The following DIS3L2 variants were observed in gnomAD, a reference collection of about 807,000 sequenced individuals.
DIS3L2 encodes the protein DIS3-like exonuclease 2.
Under a neutral mutation model 97.5 loss-of-function variants are expected in DIS3L2, and 34 were observed. The ratio of observed to expected loss-of-function variants is 0.35; its 90% CI spans 0.27 to 0.46. The LOEUF (loss-of-function observed/expected upper bound fraction) is 0.46, where lower values mean the gene tolerates loss of function less well. Ranked by LOEUF, DIS3L2 falls within the 20% of genes least tolerant of loss-of-function variation. The pLI, the probability that DIS3L2 is intolerant of heterozygous loss-of-function variation, is 1.00. For missense variants in DIS3L2, 1,038 were observed against 1,146.0 expected, an observed-to-expected ratio of 0.91 and a Z score of 1.36; for synonymous variants, 435 against 445.2, an observed-to-expected ratio of 0.98 and a Z score of 0.29.
rs918998948 is a variant in DIS3L2 at position 232,118,698 on chromosome 2, C to T, written c.602-11921C>T. ...TAGCCATATAGCATCCATTGTAAAA[C>T]CTTCAGATTTGCCAATTTGGCATCA... is the stretch of plus-strand genomic sequence containing the variant. On this transcript the variant is annotated intron_variant, in intron 6 of 20. Transcript: ENST00000325385. 3.3e-5 allele frequency among the ~76,000 whole-genome samples: 5 copies of T among 152,310 alleles called. No homozygotes were observed. In the East Asian group the frequency reaches 7.7e-4, roughly 24 times the overall value.
chr2:232,097,745 T>C (rs1402459646), intron 6 of DIS3L2, among the ~76,000 whole-genome samples: 1 of 152,184 alleles, frequency 6.6e-6, no homozygotes, highest in Non-Finnish European at 1.5e-5. Flanking sequence ...CCTTCTCCCC[T>C]GAGGCCGAGC....
chr2:232,200,418 G>T (rs1357782520), intron 9 of DIS3L2, among the ~76,000 whole-genome samples: 3 of 152,136 alleles, frequency 2.0e-5, no homozygotes, highest in Non-Finnish European at 4.4e-5. Flanking sequence ...GGCTCCTTAG[G>T]GAAGTCGGTA....
At chr2:232,077,028 T>C (rs910337758) in intron 5 of DIS3L2, among the ~76,000 whole-genome samples, 4 of 152,214 alleles carry the variant, frequency 2.6e-5, no homozygotes, top group Non-Finnish European at 5.9e-5. Flanking sequence ...AGGGTGTCTC[T>C]TCTTCTCCTG....
intron 1 of DIS3L2, among the ~76,000 whole-genome samples, chr2:232,007,638 A>G (rs1694090222): frequency 6.6e-6 from 1 of 152,224 alleles, no homozygotes; most frequent in African/African-American, 2.4e-5. Context: ...AAGGACAGGT[A>G]TTAAGAAAAT....
intron 13 of DIS3L2, among the ~76,000 whole-genome samples, chr2:232,264,677 C>G (rs1411592579): frequency 3.3e-5 from 5 of 152,200 alleles, no homozygotes; most frequent in Non-Finnish European, 5.9e-5. Flanking sequence ...TTCCCTGAGC[C>G]TGTCAGCTGG....
chr2:232,079,147 G>A (rs1696306383), intron 5 of DIS3L2, among the ~76,000 whole-genome samples: 1 of 152,168 alleles, frequency 6.6e-6, no homozygotes, highest in Admixed American at 6.5e-5. Flanking sequence ...CTGTTAGCAT[G>A]TATTTCAGTG....
In DIS3L2 at chr2:232,088,272, C is replaced by T. The variant is rs186348764; in HGVS notation, c.601+551C>T. Among the ~76,000 whole-genome samples, 704 of 150,862 alleles carry T rather than the reference C, an allele frequency of 4.7e-3. 5 individuals carry two copies. Among genetic ancestry groups the T allele is most frequent in the Non-Finnish European group, 7.4e-3 (500 of 67,726 alleles). ...AAAAATTAGCCAGGCGTGGGCCGGG[C>T]GCGGTGGCTCACGCCTGTAATCCCA... On this transcript the variant is annotated intron_variant, in intron 6 of 20. Coordinates refer to ENST00000325385, the MANE Select transcript of DIS3L2 (RefSeq NM_152383.5).
At chr2:232,163,730 AAGTTC>A (rs1184408357) in intron 9 of DIS3L2, 98 bp downstream of exon 9, 12 of 1,388,016 alleles carry the variant, frequency 8.6e-6, no homozygotes, top group Non-Finnish European at 1.1e-5. Context: ...ACGAACATTC[AAGTTC>A]AGTTCAGTTG....
At chr2:232,270,882 C>CTCTCTT (rs1559185197) in intron 13 of DIS3L2, among the ~76,000 whole-genome samples, 2 of 106,238 alleles carry the variant, frequency 1.9e-5, no homozygotes, top group African/African-American at 3.0e-5. Flanking sequence ...CTCTCTCTCT[C>CTCTCTT]TCTCTCTCTC....
At position 232,329,966 on chromosome 2, in the gene DIS3L2, C is replaced by T. The variant is rs539154783; in HGVS notation, c.1893C>T (p.Pro631=). The T allele has an allele frequency of 1.4e-5, 23 of 1,612,464 alleles. No homozygotes were observed. The highest frequency in any genetic ancestry group is 6.7e-5 in the East Asian group (3 of 44,794). ...AATTCTGCGACCAGATGGGGCTGCC[C>T]GTGGACTTCAGCTCCGCAGGAGCCC... ...LVEFCDQMGL[P]VDFSSAGALN... is the part of the protein sequence containing the mutation. Residue 631 remains proline (P), a synonymous_variant, in exon 15 of 21, where the codon CCC becomes CCT. Transcript: ENST00000325385.
chr2:232,147,014 G>C (rs11680662), intron 8 of DIS3L2, among the ~76,000 whole-genome samples: 2,400 of 152,008 alleles, frequency 0.016, 21 homozygotes, highest in Non-Finnish European at 0.022. Flanking sequence ...AATTCTTTTT[G>C]TGAAATACAT....
chr2:232,036,655 A>T (rs2106247461), intron 5 of DIS3L2, among the ~76,000 whole-genome samples: 1 of 152,072 alleles, frequency 6.6e-6, no homozygotes, highest in Non-Finnish European at 1.5e-5. Flanking sequence ...ATCTTTGTGG[A>T]TTTATTTACC....
At chr2:232,296,746 T>C (rs1478607161) in intron 13 of DIS3L2, among the ~76,000 whole-genome samples, 1 of 152,204 alleles carries the variant, frequency 6.6e-6, no homozygotes, top group Non-Finnish European at 1.5e-5. Flanking sequence ...CCTTTATAAA[T>C]TACCCAGTCT....
chr2:232,325,369 G>A lies in DIS3L2; in HGVS notation c.1740-4444G>A, dbSNP rs1254752491. The stretch of plus-strand genomic sequence containing the variant: ...ACGTTTGTGCACTGTGGGAACCTCT[G>A]TCTCTACCAGTGTCACCCTTGCTGT... On this transcript the variant is annotated intron_variant, in intron 14 of 20. Transcript: ENST00000325385. This position sits in a 1 kb window ranked among gnomAD's most constrained non-coding sequence, Gnocchi z 4.6. Among the ~76,000 whole-genome samples, 2 of 152,206 alleles carry A rather than the reference G, an allele frequency of 1.3e-5. No homozygotes were observed. The highest frequency in any genetic ancestry group is 1.9e-4 in the East Asian group (1 of 5,190).
intron 1 of DIS3L2, among the ~76,000 whole-genome samples, chr2:231,969,871 A>G (rs1030079130): frequency 6.8e-6 from 1 of 147,706 alleles, no homozygotes; most frequent in African/African-American, 2.5e-5. Flanking sequence ...TTTCTAGTTT[A>G]CTGAGATTTT....
At chr2:232,147,581 G>A (rs1205900452) in intron 8 of DIS3L2, among the ~76,000 whole-genome samples, 1 of 152,110 alleles carries the variant, frequency 6.6e-6, no homozygotes, top group East Asian at 1.9e-4. Flanking sequence ...ATGAAATGTG[G>A]TTTTTAAGAG....
intron 6 of DIS3L2, among the ~76,000 whole-genome samples, chr2:232,114,717 A>T (rs1057380421): frequency 2.6e-5 from 4 of 152,240 alleles, no homozygotes; most frequent in Non-Finnish European, 4.4e-5. Flanking sequence ...CAGAAAACTC[A>T]GGCATAGGGG....
At chr2:232,158,935 T>G (rs1433284707) in intron 8 of DIS3L2, among the ~76,000 whole-genome samples, 1 of 152,020 alleles carries the variant, frequency 6.6e-6, no homozygotes, top group African/African-American at 2.4e-5. Context: ...GTATTCGTCT[T>G]GTACTCACAG....
chr2:232,235,830 GC>G (rs1559168122), intron 10 of DIS3L2, among the ~76,000 whole-genome samples: 1 of 152,136 alleles, frequency 6.6e-6, no homozygotes, highest in African/African-American at 2.4e-5. Context: ...GAGACTCTTG[GC>G]TGAATTCACA....
Sources: allele counts gnomAD v4.1 joint callset (sites outside exome capture counted in the v4.1 genomes callset), GRCh38; gene constraint gnomAD v4.1.1; non-coding constraint Gnocchi (gnomAD v3.1); transcripts MANE v1.5; gene names NCBI Gene and HGNC (gene_info 2026-07-23, HGNC 2026-07-21).